TNFSF11: variants seen among roughly 807,000 people sequenced by gnomAD.
TNFSF11 encodes TNF superfamily member 11.
A neutral mutation model predicts 32.2 loss-of-function variants in TNFSF11; 12 were observed. The ratio of observed to expected loss-of-function variants is 0.37; its 90% CI spans 0.24 to 0.60. The LOEUF is 0.60. Among genes scored for constraint, TNFSF11 ranks in the 20% least tolerant of loss-of-function variants. The pLI, the probability that TNFSF11 is intolerant of heterozygous loss-of-function variation, is 0.66. For synonymous variants in TNFSF11, 172 were observed against 152.1 expected (o/e 1.13, Z -0.96); for missense variants, 345 against 398.0 (o/e 0.87, Z 1.13).
chr13:42,581,357 A>G, intron 2 of TNFSF11, 64 bp downstream of exon 2: 1 of 1,575,660 alleles, frequency 6.3e-7, no homozygotes. Context: ...CTGAAAATTA[A>G]AACTGGCTAA....
upstream of TNFSF11, among the ~76,000 whole-genome samples, chr13:42,570,813 A>G (rs1327492935): frequency 6.6e-6 from 1 of 152,158 alleles, no homozygotes; most frequent in African/African-American, 2.4e-5. Context: ...AGTAGTTTAA[A>G]GCATTATCTT....
rs753963226 is a variant in TNFSF11 at position 42,606,801 on chromosome 13, A to C, written c.837A>C (p.Gly279=). ...EFHFYSINVG[G]FFKLRSGEEI... is the part of the protein sequence containing the mutation. The stretch of plus-strand genomic sequence containing the variant: ...ATTTTTATTCCATAAACGTTGGTGG[A>C]TTTTTTAAGTTACGGTCTGGAGAGG... The change falls in exon 5 of 5, where the codon GGA becomes GGC. Residue 279 remains glycine, a synonymous_variant. Coordinates refer to ENST00000398795, the MANE Select transcript of TNFSF11 (RefSeq NM_003701.4). 2.5e-6 allele frequency: 4 copies of C among 1,613,508 alleles called. No individual in the cohort carries two copies. The East Asian group carries it at 8.9e-5, about 36-fold the overall frequency.
chr13:42,577,602 C>T (rs192315828), intron 1 of TNFSF11, among the ~76,000 whole-genome samples: 1 of 152,280 alleles, frequency 6.6e-6, no homozygotes, highest in Admixed American at 6.5e-5. Context: ...TAGGGTTTAG[C>T]TATAAAGATA....
At chr13:42,570,705 T>G (rs1566372233), upstream of TNFSF11, among the ~76,000 whole-genome samples, 1 of 152,166 alleles carries the variant, frequency 6.6e-6, no homozygotes, top group Non-Finnish European at 1.5e-5. Context: ...TTAAACAAAT[T>G]GTTATAATAA....
At chr13:42,601,105 G>A in intron 4 of TNFSF11, 124 bp downstream of exon 4, 2 of 1,026,218 alleles carry the variant, frequency 1.9e-6, no homozygotes, top group Non-Finnish European at 3.0e-6. Context: ...AAAGCCAAAG[G>A]AAAGACCATT....
At chr13:42,586,050 TAAAAG>T (rs1873880617) in intron 2 of TNFSF11, among the ~76,000 whole-genome samples, 1 of 152,256 alleles carries the variant, frequency 6.6e-6, no homozygotes, top group African/African-American at 2.4e-5. Context: ...TATTAGCTTT[TAAAAG>T]CTGTGCTTTA....
rs184470700 is a variant in TNFSF11 at position 42,577,734 on chromosome 13, A to G, written c.219+3212A>G. Among the ~76,000 whole-genome samples the G allele has an allele frequency of 5.3e-5, 8 of 152,304 alleles. No individual in the cohort carries two copies. In the East Asian group the frequency reaches 7.7e-4, roughly 15 times the overall value. On this transcript the variant is annotated intron_variant, in intron 1 of 4. Coordinates refer to ENST00000398795, the MANE Select transcript of TNFSF11 (RefSeq NM_003701.4). Reference sequence around the variant, plus strand: ...GACAGCAGTCACTACTGAAAATCTGATGTAGAGGTGTGCACTGCCTGTTTG... The same window carrying G: ...GACAGCAGTCACTACTGAAAATCTGGTGTAGAGGTGTGCACTGCCTGTTTG...
chr13:42,599,303 CTCTATCTATCTATCTA>C (rs140280017), intron 2 of TNFSF11, among the ~76,000 whole-genome samples: 1 of 142,776 alleles, frequency 7.0e-6, no homozygotes, highest in East Asian at 2.1e-4. Flanking sequence ...ATGTTATTGC[CTCTATCTATCTATCTA>C]TCTATCTATC....
intron 2 of TNFSF11, among the ~76,000 whole-genome samples, chr13:42,590,443 C>A (rs1174327431): frequency 6.6e-6 from 1 of 152,208 alleles, no homozygotes; most frequent in Non-Finnish European, 1.5e-5. Flanking sequence ...CCCTTTTCTT[C>A]CTGGCCTCAT....
chr13:42,583,041 T>C (rs1420149296), intron 2 of TNFSF11, among the ~76,000 whole-genome samples: 2 of 152,168 alleles, frequency 1.3e-5, no homozygotes, highest in Non-Finnish European at 2.9e-5. Context: ...GTGCTGGTTC[T>C]TAAAAGTTAC....
chr13:42,586,854 C>G (rs1030974589), intron 2 of TNFSF11, among the ~76,000 whole-genome samples: 1 of 152,100 alleles, frequency 6.6e-6, no homozygotes, highest in Non-Finnish European at 1.5e-5. Context: ...TTTTTATTCC[C>G]TGGGAATCAG....
At position 42,587,774 on chromosome 13, in the gene TNFSF11, A is replaced by C. The variant is rs549680210; in HGVS notation, c.387+6481A>C. 2.8e-4 allele frequency among the ~76,000 whole-genome samples: 42 copies of C among 152,352 alleles called. 1 individual carries two copies. In the South Asian group the frequency reaches 7.7e-3, roughly 28 times the overall value. ...TGATTGTGTTTTCTACATATGGGAA[A>C]CAGATCCCCTTGGATTGCAATCTCC... is the stretch of plus-strand genomic sequence containing the variant. On this transcript the variant is annotated intron_variant, in intron 2 of 4. Coordinates refer to ENST00000398795, the MANE Select transcript of TNFSF11 (RefSeq NM_003701.4).
chr13:42,599,338 T>TGTCTATC (rs1555310726), intron 2 of TNFSF11, among the ~76,000 whole-genome samples: 2 of 106,088 alleles, frequency 1.9e-5, no homozygotes, highest in East Asian at 2.8e-4. Context: ...TCTATCTATC[T>TGTCTATC]ATCTATCTAT....
chr13:42,577,392 CTAGATCCGGTG>C (rs1196330987), intron 1 of TNFSF11, among the ~76,000 whole-genome samples: 1 of 152,178 alleles, frequency 6.6e-6, no homozygotes, highest in Non-Finnish European at 1.5e-5. Context: ...TACATATCTA[CTAGATCCGGTG>C]TAGCTTGGCT....
chr13:42,582,217 G>A (rs1010410006), intron 2 of TNFSF11, among the ~76,000 whole-genome samples: 2 of 152,256 alleles, frequency 1.3e-5, no homozygotes, highest in Admixed American at 6.5e-5. Flanking sequence ...TCCACATATA[G>A]TAATATAATT....
chr13:42,593,509 G>C (rs1308587339), intron 2 of TNFSF11, among the ~76,000 whole-genome samples: 1 of 152,152 alleles, frequency 6.6e-6, no homozygotes, highest in African/African-American at 2.4e-5. Flanking sequence ...GAAGGCAGTG[G>C]TACCCAGGTT....
intron 2 of TNFSF11, among the ~76,000 whole-genome samples, chr13:42,591,999 T>C (rs1594472189): frequency 6.6e-6 from 1 of 152,136 alleles, no homozygotes; most frequent in East Asian, 1.9e-4. Context: ...GTGATGAGGT[T>C]TGGGAGTACA....
chr13:42,569,596 G>A (rs1220816614), upstream of TNFSF11, among the ~76,000 whole-genome samples: 1 of 151,594 alleles, frequency 6.6e-6, no homozygotes, highest in Non-Finnish European at 1.5e-5. Flanking sequence ...AAGAGAGAGA[G>A]AGATTAGAGT....
At position 42,598,476 on chromosome 13, in the gene TNFSF11, G is replaced by A. The variant is rs78460564; in HGVS notation, c.388-2276G>A. 1.1e-4 allele frequency among the ~76,000 whole-genome samples: 16 copies of A among 152,328 alleles called. No individual in the cohort carries two copies. The East Asian group carries it at 2.9e-3, about 28-fold the overall frequency. On this transcript the variant is annotated intron_variant, in intron 2 of 4. Coordinates refer to ENST00000398795, the MANE Select transcript of TNFSF11 (RefSeq NM_003701.4). Reference sequence around the variant, plus strand: ...GTGAAGAAGAGATGAACAGAGGAAGGTCTATTCCCTAAGGCCACCCATCCA... The same window carrying A: ...GTGAAGAAGAGATGAACAGAGGAAGATCTATTCCCTAAGGCCACCCATCCA...
Sources: allele counts gnomAD v4.1 joint callset (sites outside exome capture counted in the v4.1 genomes callset), GRCh38; gene constraint gnomAD v4.1.1; transcripts MANE v1.5; gene names NCBI Gene and HGNC (gene_info 2026-07-23, HGNC 2026-07-21).